The following GRM4 variants were observed in gnomAD, a reference collection of about 807,000 sequenced individuals.
The protein encoded by GRM4 is metabotropic glutamate receptor 4.
Under a neutral mutation model 81.7 loss-of-function variants are expected in GRM4, and 28 were observed. That is an observed-to-expected ratio of 0.34 (90% confidence interval 0.25 to 0.47). GRM4 has a LOEUF of 0.47. Among genes scored for constraint, GRM4 ranks in the 20% least tolerant of loss-of-function variants. GRM4 has a pLI of 1.00. For synonymous variants in GRM4, 488 were observed against 528.8 expected (o/e 0.92, Z 1.06); for missense variants, 948 against 1,290.0 (o/e 0.73, Z 4.06).
At chr6:34,134,651 T>TCAG (rs996263149) in intron 1 of GRM4, among the ~76,000 whole-genome samples, 3 of 151,558 alleles carry the variant, frequency 2.0e-5, no homozygotes, top group Non-Finnish European at 4.4e-5. Flanking sequence ...AGGCCTCCAT[T>TCAG]CAGCTTGCAC....
At chr6:34,096,953 C>T (rs967518370) in intron 2 of GRM4, among the ~76,000 whole-genome samples, 8 of 151,700 alleles carry the variant, frequency 5.3e-5, no homozygotes, top group Non-Finnish European at 8.8e-5. Flanking sequence ...TGTGTGCATG[C>T]ACGTGGGCAC....
chr6:34,025,155 A>G (rs1479899959), intron 10 of GRM4, among the ~76,000 whole-genome samples: 21 of 152,166 alleles, frequency 1.4e-4, no homozygotes, highest in Admixed American at 1.4e-3. Flanking sequence ...TAACTTGAGC[A>G]AAGTGGCCCT....
At chr6:34,038,210 A>G (rs1171200215) in intron 8 of GRM4, among the ~76,000 whole-genome samples, 2 of 152,202 alleles carry the variant, frequency 1.3e-5, no homozygotes, top group African/African-American at 4.8e-5. Flanking sequence ...TTCTGTTGCT[A>G]CCTGGCTGTG....
At chr6:34,124,641 G>A (rs542539590) in intron 2 of GRM4, among the ~76,000 whole-genome samples, 8 of 152,340 alleles carry the variant, frequency 5.3e-5, no homozygotes, top group African/African-American at 1.7e-4. Context: ...GAGGTGGGCC[G>A]GGGTATGAGG....
intron 3 of GRM4, 56 bp from the exon 4 acceptor site, chr6:34,062,084 C>A: frequency 6.4e-7 from 1 of 1,561,922 alleles, no homozygotes; most frequent in South Asian, 1.2e-5. Flanking sequence ...GTCTCCCCAC[C>A]ACTCTCCCAA....
chr6:34,049,705 C>T (rs151286037), intron 6 of GRM4, among the ~76,000 whole-genome samples: 1 of 152,250 alleles, frequency 6.6e-6, no homozygotes, highest in South Asian at 2.1e-4. Context: ...CTTGTTCCAG[C>T]AGAGAATGCT....
chr6:34,097,880 A>G (rs1423702694), intron 2 of GRM4, among the ~76,000 whole-genome samples: 1 of 152,178 alleles, frequency 6.6e-6, no homozygotes, highest in Non-Finnish European at 1.5e-5. Context: ...GGCCATCACC[A>G]CAGACACTCC....
rs570275945 is a variant in GRM4, at chr6:34,131,530, C to T, written c.519+1448G>A. Among the ~76,000 whole-genome samples the T allele has an allele frequency of 2.0e-5, 3 of 152,278 alleles. No individual in the cohort carries two copies. In the East Asian group the frequency reaches 5.8e-4, roughly 29 times the overall value. On this transcript the variant is annotated intron_variant, in intron 2 of 10. Coordinates refer to ENST00000538487, the MANE Select transcript of GRM4 (RefSeq NM_000841.4). ...CACGTGCTCTTCAGCCCCAGAGCAG[C>T]CAATGGCAAAAGTCCTGCCCCACCC... is the stretch of plus-strand genomic sequence containing the variant.
chr6:34,102,105 G>A, intron 2 of GRM4: 1 of 1,535,578 alleles, frequency 6.5e-7, no homozygotes, highest in South Asian at 1.2e-5. Context: ...AATAGCTTGG[G>A]AAGAGTTTGC....
At chr6:34,032,178 AC>A (rs1289594129) in intron 9 of GRM4, among the ~76,000 whole-genome samples, 1 of 151,764 alleles carries the variant, frequency 6.6e-6, no homozygotes, top group Non-Finnish European at 1.5e-5. Context: ...GCAGCTACAT[AC>A]CCTTCAGCAC....
Position 34,028,230 on chromosome 6 carries a change from A to C in GRM4, c.2579T>G (p.Leu860Arg). Reference sequence around the variant, plus strand: ...GGTGGCCGCCGTAACGACGGCTTTGAGGCTGCGCTTGCGCTTGGGCACGTT... The same window carrying C: ...GGTGGCCGCCGTAACGACGGCTTTGCGGCTGCGCTTGCGCTTGGGCACGTT... ...EQNVPKRKRS[L>R]KAVVTAATMS... The change falls in exon 10 of 11, where the codon CTC becomes CGC. Residue 860 changes from leucine to arginine, a missense_variant. Transcript: ENST00000538487. 1 of 1,613,978 alleles carries C rather than the reference A, an allele frequency of 6.2e-7. No individual in the cohort carries two copies. Among genetic ancestry groups the C allele is most frequent in the East Asian group, 2.2e-5 (1 of 44,848 alleles).
In GRM4 at chr6:34,059,358, AC is replaced by A; in HGVS notation, c.873-231del. ...ATCCAACCTGCCTGCCCCTGGGCCC[AC>A]GCCTGCTGCAGGCCCAGCGTGATTC... On this transcript the variant is annotated intron_variant, in intron 4 of 10. Coordinates refer to ENST00000538487, the MANE Select transcript of GRM4 (RefSeq NM_000841.4). The surrounding 1 kb of genome is among the most constrained non-coding windows in gnomAD (Gnocchi z 5.7). The A allele has an allele frequency of 3.5e-6, 2 of 566,310 alleles. No homozygotes were observed. Among genetic ancestry groups the A allele is most frequent in the East Asian group, 3.0e-5 (1 of 33,748 alleles). 35.1% of individuals were successfully genotyped at this position (566,310 alleles called of 1,614,324 possible).
chr6:34,081,745 A>G (rs1329063208), intron 3 of GRM4, among the ~76,000 whole-genome samples: 1 of 137,238 alleles, frequency 7.3e-6, no homozygotes, highest in Non-Finnish European at 1.6e-5. Context: ...AATGTGAGAC[A>G]AGGAAGGAAA....
chr6:34,070,573 G>A lies in GRM4; in HGVS notation c.737-8545C>T, dbSNP rs1561789665. Among the ~76,000 whole-genome samples the A allele has an allele frequency of 6.6e-6, 1 of 151,942 alleles. No individual in the cohort carries two copies. The highest frequency in any genetic ancestry group is 2.4e-5 in the African/African-American group (1 of 41,320). On this transcript the variant is annotated intron_variant, in intron 3 of 10. Transcript: ENST00000538487. This position sits in a 1 kb window ranked among gnomAD's most constrained non-coding sequence, Gnocchi z 4.6. The stretch of plus-strand genomic sequence containing the variant: ...CCTGGAGCCAACACCTCTGGGGAGC[G>A]GGTAAGGCCTAGTGGGGTGGGGCTG...
chr6:34,151,561 TC>T (rs1771046224), intron 1 of GRM4, among the ~76,000 whole-genome samples: 1 of 152,012 alleles, frequency 6.6e-6, no homozygotes, highest in Admixed American at 6.5e-5. Flanking sequence ...GTGGCAGGGC[TC>T]CGGGCGCCAG....
At chr6:34,117,279 G>A (rs1055918210) in intron 2 of GRM4, among the ~76,000 whole-genome samples, 1 of 152,218 alleles carries the variant, frequency 6.6e-6, no homozygotes, top group African/African-American at 2.4e-5. Flanking sequence ...TGGCCTCGGG[G>A]GAAATGGAAC....
At chr6:34,046,321 T>C (rs13196437) in intron 6 of GRM4, among the ~76,000 whole-genome samples, 2,345 of 152,304 alleles carry the variant, frequency 0.015, 39 homozygotes, top group African/African-American at 0.041. Flanking sequence ...TAAATGCTTC[T>C]AATATAGCTA....
At chr6:34,100,281 C>A (rs1489316002) in intron 2 of GRM4, among the ~76,000 whole-genome samples, 2 of 152,200 alleles carry the variant, frequency 1.3e-5, no homozygotes, top group African/African-American at 4.8e-5. Flanking sequence ...TGGAGATGGA[C>A]CTCCCCTCTG....
chr6:34,025,919 G>A (rs1484559563), intron 10 of GRM4, among the ~76,000 whole-genome samples: 1 of 152,174 alleles, frequency 6.6e-6, no homozygotes, highest in African/African-American at 2.4e-5. Flanking sequence ...CCAGCACTGG[G>A]GACTGGATAG....
Sources: allele counts gnomAD v4.1 joint callset (sites outside exome capture counted in the v4.1 genomes callset), GRCh38; gene constraint gnomAD v4.1.1; non-coding constraint Gnocchi (gnomAD v3.1); transcripts MANE v1.5; gene names NCBI Gene and HGNC (gene_info 2026-07-23, HGNC 2026-07-21).